Variants in PWWP3A observed in about 807,000 individuals in gnomAD.
The protein encoded by PWWP3A is PWWP domain-containing DNA repair factor 3A.
A neutral mutation model predicts 79.0 loss-of-function variants in PWWP3A; 53 were observed. The observed-to-expected ratio is 0.67, with a 90% CI of 0.54 to 0.84. PWWP3A has a LOEUF of 0.84. PWWP3A is among the 40% of genes least tolerant of loss of function. The pLI is 0.00. For synonymous variants in PWWP3A, 443 were observed against 394.4 expected, an observed-to-expected ratio of 1.12 and a Z score of -1.46; for missense variants, 973 against 948.0, an observed-to-expected ratio of 1.03 and a Z score of -0.35.
At chr19:1,373,764 C>G (rs1196877415) in intron 13 of PWWP3A, 1 of 152,986 alleles carries the variant, frequency 6.5e-6, no homozygotes, top group Non-Finnish European at 1.5e-5. Context: ...CCACCGACGT[C>G]TCCCGGGCCC....
At chr19:1,376,312 T>TTTTTTTTTTTTTTTTTTG (rs1568968980) in intron 13 of PWWP3A, among the ~76,000 whole-genome samples, 3 of 79,656 alleles carry the variant, frequency 3.8e-5, no homozygotes, top group Admixed American at 1.2e-4. Context: ...TTTTTGTTTG[T>TTTTTTTTTTTTTTTTTTG]TTTTTTTTTT....
rs1002390785 is a variant in PWWP3A at position 1,357,297 on chromosome 19, C to T, written c.143+203C>T. The T allele has an allele frequency of 3.2e-5, 16 of 505,986 alleles. No individual in the cohort carries two copies. The Admixed American group carries it at 4.2e-4, about 13-fold the overall frequency. The allele number at this position is 505,986 out of a possible 1,614,324, so 31.3% of individuals were successfully genotyped here. ...TCAGTTTGGAAGCTGAAGATCCAAA[C>T]GAGGCATTCTGTGAGATCTATGGAG... On this transcript the variant is annotated intron_variant, in intron 3 of 13. Coordinates refer to ENST00000591337, the MANE Select transcript of PWWP3A (RefSeq NM_001369789.1).
chr19:1,370,582 C>T (rs1033898273), intron 11 of PWWP3A, 60 bp from the exon 12 acceptor site: 2 of 1,413,950 alleles, frequency 1.4e-6, no homozygotes, highest in South Asian at 1.6e-5. Flanking sequence ...GGCCCTGACC[C>T]ACAGCCACCC....
intron 6 of PWWP3A, chr19:1,364,106 C>T (rs532189949): frequency 2.2e-4 from 112 of 520,876 alleles, no homozygotes; most frequent in East Asian, 1.0e-3. Flanking sequence ...GGGTCTTCTC[C>T]GCGTGCCATT....
intron 6 of PWWP3A, among the ~76,000 whole-genome samples, chr19:1,363,060 G>T (rs557069268): frequency 1.4e-4 from 22 of 152,338 alleles, no homozygotes; most frequent in African/African-American, 3.8e-4. Context: ...TGCAAAAATA[G>T]TAAAGGGAGG....
At position 1,368,563 on chromosome 19, in the gene PWWP3A, AG is replaced by A. The variant is rs1412084045; in HGVS notation, c.1423-701del. The stretch of plus-strand genomic sequence containing the variant: ...GCTTATGGGGTGCCCCCGTACCCCT[AG>A]TGGCCCTCGGCTCCAGAGTCTTCCC... On this transcript the variant is annotated intron_variant, in intron 9 of 13. Coordinates refer to ENST00000591337, the MANE Select transcript of PWWP3A (RefSeq NM_001369789.1). This position sits in a 1 kb window ranked among gnomAD's most constrained non-coding sequence, Gnocchi z 4.7. Among the ~76,000 whole-genome samples the A allele has an allele frequency of 6.6e-6, 1 of 152,134 alleles. No individual in the cohort carries two copies. Among genetic ancestry groups the A allele is most frequent in the Non-Finnish European group, 1.5e-5 (1 of 68,000 alleles).
At chr19:1,376,175 G>A (rs1220189545) in intron 13 of PWWP3A, among the ~76,000 whole-genome samples, 1 of 148,676 alleles carries the variant, frequency 6.7e-6, no homozygotes, top group Non-Finnish European at 1.5e-5. Context: ...GCCCAGGCTG[G>A]AGTACAATGG....
intron 12 of PWWP3A, chr19:1,371,439 C>T (rs1004280045): frequency 4.3e-6 from 3 of 701,446 alleles, no homozygotes; most frequent in African/African-American, 1.7e-5. Context: ...AAGTCAGAAT[C>T]GCATTTAGTA....
At chr19:1,361,109 C>T (rs1476276753) in intron 5 of PWWP3A, 77 bp downstream of exon 5, 2 of 1,326,134 alleles carry the variant, frequency 1.5e-6, no homozygotes, top group Middle Eastern at 2.3e-4. Flanking sequence ...GAGCCAGGCA[C>T]GTGGGTGTTT....
intron 13 of PWWP3A, among the ~76,000 whole-genome samples, chr19:1,375,537 T>TATATATAAAGTATA (rs1162661703): frequency 3.1e-5 from 3 of 96,216 alleles, no homozygotes; most frequent in Non-Finnish European, 3.7e-5. Context: ...ATTTATATAT[T>TATATATAAAGTATA]TTATATATAA....
intron 7 of PWWP3A, among the ~76,000 whole-genome samples, chr19:1,365,648 C>T (rs575088450): frequency 1.6e-4 from 25 of 152,374 alleles, no homozygotes; most frequent in African/African-American, 5.3e-4. Context: ...CTGGACCCTC[C>T]GCCCTCCCTT....
At position 1,360,723 on chromosome 19, in the gene PWWP3A, G is replaced by A. The variant is rs976629870; in HGVS notation, c.802G>A (p.Ala268Thr). 15 of 1,613,140 alleles carry A rather than the reference G, an allele frequency of 9.3e-6. No homozygotes were observed. Among genetic ancestry groups the A allele is most frequent in the Middle Eastern group, 1.6e-4 (1 of 6,082 alleles). ...CAGGGAGGACGATCCCTGTGCCAAC[G>A]CTGAGGGACACGACCCCGGTCTGCC... The part of the protein sequence containing the change: ...GVREDDPCAN[A>T]EGHDPGLPLG... The change falls in exon 5 of 14, where the codon GCT (alanine) becomes ACT (threonine). Residue 268 changes from alanine to threonine, a missense_variant. Physicochemically the swap from Ala to Thr is moderately conservative, Grantham distance 58. Coordinates refer to ENST00000591337, the MANE Select transcript of PWWP3A (RefSeq NM_001369789.1). The surrounding 1 kb of genome is among the most constrained non-coding windows in gnomAD (Gnocchi z 4.4).
intron 13 of PWWP3A, among the ~76,000 whole-genome samples, chr19:1,374,922 T>A (rs963905143): frequency 6.6e-6 from 1 of 151,908 alleles, no homozygotes; most frequent in Non-Finnish European, 1.5e-5. Flanking sequence ...ATAAATATTA[T>A]TTTAAAACAT....
chr19:1,360,405 A>T lies in PWWP3A; in HGVS notation c.484A>T (p.Ser162Cys). The change falls in exon 5 of 14, where the codon AGT becomes TGT. Residue 162 changes from serine (S) to cysteine (C), a missense_variant. By Grantham distance (112) the Ser-to-Cys change is moderately radical. Transcript: ENST00000591337. This position sits in a 1 kb window ranked among gnomAD's most constrained non-coding sequence, Gnocchi z 4.4. ...GCCATGTGTGCAACAAAGCCTGTCA[A>T]GTTCGTTCACTTGTGAAAAGGACCC... is the stretch of plus-strand genomic sequence containing the variant. Reference protein sequence around the residue: ...RRPCVQQSLSSSFTCEKDPEC... With the variant: ...RRPCVQQSLSCSFTCEKDPEC... The T allele has an allele frequency of 6.2e-7, 1 of 1,614,124 alleles. No individual in the cohort carries two copies. The highest frequency in any genetic ancestry group is 8.5e-7 in the Non-Finnish European group (1 of 1,180,036).
chr19:1,368,957 CA>C lies in PWWP3A; in HGVS notation c.1423-307del, dbSNP rs2082190256. On this transcript the variant is annotated intron_variant, in intron 9 of 13. Coordinates refer to ENST00000591337, the MANE Select transcript of PWWP3A (RefSeq NM_001369789.1). The surrounding 1 kb of genome is among the most constrained non-coding windows in gnomAD (Gnocchi z 4.7). ...CGGGTCCCCGGTGCCCACCTGCGTT[CA>C]GATCAGCCCAAGCCATCGGGTCCCC... 3 of 308,100 alleles carry C rather than the reference CA, an allele frequency of 9.7e-6. No homozygotes were observed. Among genetic ancestry groups the C allele is most frequent in the Non-Finnish European group, 1.8e-5 (3 of 162,738 alleles). 19.1% of individuals were successfully genotyped at this position (308,100 alleles called of 1,614,324 possible).
chr19:1,362,328 C>G lies in PWWP3A; in HGVS notation c.1190C>G (p.Pro397Arg). 1 of 1,614,050 alleles carries G rather than the reference C, an allele frequency of 6.2e-7. No homozygotes were observed. The highest frequency in any genetic ancestry group is 8.5e-7 in the Non-Finnish European group (1 of 1,179,968). Residue 397 changes from proline to arginine, a missense_variant, in exon 6 of 14, where the codon CCA (proline) becomes CGA (arginine). By Grantham distance (103) the Pro-to-Arg change is moderately radical (BLOSUM62 -2). Transcript: ENST00000591337. ...GAGGAAGACGAGGAAGACGAGGAGC[C>G]ACCAAGAGTCCTTTTATACCACGGT... ...ILEEDEEDEE[P>R]PRVLLYHEPR...
In PWWP3A at chr19:1,377,069, A is replaced by G. The variant is rs577374421; in HGVS notation, c.*493A>G. On this transcript the variant is annotated 3_prime_UTR_variant, in exon 14 of 14. Coordinates refer to ENST00000591337, the MANE Select transcript of PWWP3A (RefSeq NM_001369789.1). ...CGACAGTTCCAGAATTTGCTCTCCC[A>G]CTCAGTGTGCTCTGCAGCTGTGAGG... 99 of 152,290 alleles carry G rather than the reference A, an allele frequency of 6.5e-4. No homozygotes were observed. The highest frequency in any genetic ancestry group is 1.2e-3 in the Non-Finnish European group (85 of 68,486). 9.4% of individuals were successfully genotyped at this position (152,290 alleles called of 1,614,324 possible).
intron 11 of PWWP3A, 127 bp from the exon 12 acceptor site, chr19:1,370,515 C>A (rs748289003): frequency 6.0e-6 from 5 of 839,526 alleles, no homozygotes; most frequent in Non-Finnish European, 8.8e-6. Context: ...CCCGTGCTAA[C>A]ACGGAGCTCG....
Position 1,368,735 on chromosome 19 carries a change from A to C in PWWP3A, c.1423-530A>C, listed in dbSNP as rs2082181191. ...TGGCTGCAGACGATAGCTCCCAACA[A>C]AAACGGCTGTTAGAGCAGCTTATTT... is the stretch of plus-strand genomic sequence containing the variant. On this transcript the variant is annotated intron_variant, in intron 9 of 13. Transcript: ENST00000591337. This position sits in a 1 kb window ranked among gnomAD's most constrained non-coding sequence, Gnocchi z 4.7. Among the ~76,000 whole-genome samples the C allele has an allele frequency of 6.6e-6, 1 of 152,246 alleles. No individual in the cohort carries two copies. The highest frequency in any genetic ancestry group is 1.5e-5 in the Non-Finnish European group (1 of 68,046).
Sources: gnomAD v4.1 joint callset for allele counts (sites outside exome capture counted in the v4.1 genomes callset) on GRCh38, gnomAD v4.1.1 for gene constraint, Gnocchi (gnomAD v3.1) non-coding constraint, MANE v1.5 for transcripts, NCBI Gene and HGNC (gene_info 2026-07-23, HGNC 2026-07-21) for gene names.